ABTB2: variants seen among roughly 807,000 people sequenced by gnomAD.
ABTB2 encodes the protein ankyrin repeat and BTB domain containing 2.
ABTB2 carries 56 observed loss-of-function variants against 104.1 expected under a neutral mutation model. That is an observed-to-expected ratio of 0.54 (90% CI 0.43 to 0.67). The LOEUF is 0.67. Among genes scored for constraint, ABTB2 ranks in the 30% least tolerant of loss-of-function variants. The pLI, the probability that ABTB2 is intolerant of heterozygous loss-of-function variation, is 0.00. For missense variants in ABTB2, 1,279 were observed against 1,407.7 expected (o/e 0.91, Z 1.46); for synonymous variants, 606 against 608.2 (o/e 1.00, Z 0.05).
chr11:34,354,102 T>C (rs182840517), intron 1 of ABTB2, among the ~76,000 whole-genome samples: 4 of 152,278 alleles, frequency 2.6e-5, no homozygotes, highest in African/African-American at 9.6e-5. Flanking sequence ...GGCCACCCCC[T>C]GGTTTTCATG....
At chr11:34,291,217 A>G (rs1854562452) in intron 1 of ABTB2, among the ~76,000 whole-genome samples, 1 of 152,266 alleles carries the variant, frequency 6.6e-6, no homozygotes, top group Admixed American at 6.5e-5. Context: ...AGAGGACAAT[A>G]GTCTCTTTTT....
At chr11:34,335,682 T>C in intron 1 of ABTB2, 1 of 1,403,618 alleles carries the variant, frequency 7.1e-7, no homozygotes, top group South Asian at 1.2e-5. Flanking sequence ...GTCTTTCACT[T>C]GATAAAGTTT....
chr11:34,294,149 T>C (rs535592889), intron 1 of ABTB2, among the ~76,000 whole-genome samples: 13 of 152,036 alleles, frequency 8.6e-5, no homozygotes, highest in Non-Finnish European at 1.5e-4. Context: ...CTGGGTAATA[T>C]GGCAAAACCT....
intron 1 of ABTB2, among the ~76,000 whole-genome samples, chr11:34,232,010 G>C (rs991032879): frequency 6.6e-6 from 1 of 152,134 alleles, no homozygotes; most frequent in Non-Finnish European, 1.5e-5. Flanking sequence ...TATGGCATGG[G>C]TTCCTGAGAC....
At chr11:34,181,120 G>A (rs1443466214) in intron 3 of ABTB2, among the ~76,000 whole-genome samples, 2 of 152,118 alleles carry the variant, frequency 1.3e-5, no homozygotes, top group Non-Finnish European at 2.9e-5. Context: ...GGCCAGGATT[G>A]TCTCAATCTC....
intron 1 of ABTB2, among the ~76,000 whole-genome samples, chr11:34,259,600 G>C (rs1382620633): frequency 6.6e-6 from 1 of 152,210 alleles, no homozygotes; most frequent in African/African-American, 2.4e-5. Flanking sequence ...GATCTGTGGG[G>C]TATCACTGTC....
At chr11:34,285,191 G>A (rs1024831757) in intron 1 of ABTB2, among the ~76,000 whole-genome samples, 1 of 152,162 alleles carries the variant, frequency 6.6e-6, no homozygotes, top group Non-Finnish European at 1.5e-5. Context: ...CGAGGGGACC[G>A]GTGGGGAGGG....
At chr11:34,290,038 C>A (rs1420239615) in intron 1 of ABTB2, among the ~76,000 whole-genome samples, 1 of 152,194 alleles carries the variant, frequency 6.6e-6, no homozygotes, top group African/African-American at 2.4e-5. Flanking sequence ...AACAAATTAA[C>A]ATAGATAAAT....
chr11:34,211,689 T>A (rs1853482256), intron 1 of ABTB2, among the ~76,000 whole-genome samples: 1 of 151,806 alleles, frequency 6.6e-6, no homozygotes, highest in Non-Finnish European at 1.5e-5. Context: ...AGATCAGGCA[T>A]TCGAGACCAG....
At chr11:34,257,574 C>G in intron 1 of ABTB2, among the ~76,000 whole-genome samples, 1 of 152,146 alleles carries the variant, frequency 6.6e-6, no homozygotes, top group South Asian at 2.1e-4. Context: ...TGAAATGCAG[C>G]TAATACGACT....
At chr11:34,166,640 C>T (rs1381227705) in intron 7 of ABTB2, among the ~76,000 whole-genome samples, 5 of 152,222 alleles carry the variant, frequency 3.3e-5, no homozygotes, top group African/African-American at 1.2e-4. Flanking sequence ...CTGCGCATGC[C>T]AGCGATCTGA....
intron 1 of ABTB2, among the ~76,000 whole-genome samples, chr11:34,290,095 A>G (rs1216074633): frequency 1.3e-5 from 2 of 152,222 alleles, no homozygotes; most frequent in East Asian, 1.9e-4. Flanking sequence ...AATTGCAGCA[A>G]ATCAGTTCTA....
intron 3 of ABTB2, among the ~76,000 whole-genome samples, chr11:34,174,581 C>T (rs1294036652): frequency 1.3e-5 from 2 of 152,230 alleles, no homozygotes; most frequent in African/African-American, 2.4e-5. Flanking sequence ...CCTCGGCGAG[C>T]GGCTCAGATT....
intron 1 of ABTB2, among the ~76,000 whole-genome samples, chr11:34,296,903 A>G (rs149777121): frequency 2.0e-5 from 3 of 152,304 alleles, no homozygotes; most frequent in African/African-American, 7.2e-5. Flanking sequence ...TGGCAGGATG[A>G]AGAAGAAAAT....
At chr11:34,347,819 AT>A (rs1490319785) in intron 1 of ABTB2, among the ~76,000 whole-genome samples, 1 of 152,176 alleles carries the variant, frequency 6.6e-6, no homozygotes, top group Non-Finnish European at 1.5e-5. Context: ...TTGAGCTTTT[AT>A]TGTCCAAAAT....
chr11:34,260,494 G>A (rs1240439744), intron 1 of ABTB2, among the ~76,000 whole-genome samples: 3 of 152,186 alleles, frequency 2.0e-5, no homozygotes, highest in Non-Finnish European at 2.9e-5. Flanking sequence ...CTGCAGTGCA[G>A]GGCTCTGAAA....
intron 1 of ABTB2, among the ~76,000 whole-genome samples, chr11:34,286,140 T>G (rs1854501457): frequency 6.7e-6 from 1 of 149,426 alleles, no homozygotes; most frequent in Non-Finnish European, 1.5e-5. Flanking sequence ...AAAGACCCTG[T>G]CTCAAAAAAA....
intron 1 of ABTB2, among the ~76,000 whole-genome samples, chr11:34,353,698 C>T (rs747149888): frequency 5.9e-5 from 9 of 152,196 alleles, no homozygotes; most frequent in Non-Finnish European, 8.8e-5. Context: ...AGATGGATTA[C>T]GGCCCTTAAA....
chr11:34,297,796 G>GAAAAAA, intron 1 of ABTB2, among the ~76,000 whole-genome samples: 1 of 123,070 alleles, frequency 8.1e-6, no homozygotes, highest in Non-Finnish European at 1.7e-5. Context: ...AAAAATAAAG[G>GAAAAAA]AAAGAAAAAG....
Sources: gnomAD v4.1 joint callset for allele counts (sites outside exome capture counted in the v4.1 genomes callset) on GRCh38, gnomAD v4.1.1 for gene constraint, MANE v1.5 for transcripts, NCBI Gene and HGNC (gene_info 2026-07-23, HGNC 2026-07-21) for gene names.